GRK5: variants seen among roughly 807,000 people sequenced by gnomAD.
GRK5 encodes the protein g protein-coupled receptor kinase GRK5.
In GRK5, 40 loss-of-function variants were observed where a neutral mutation model predicts 78.4. That is an observed-to-expected ratio of 0.51 (90% CI 0.40 to 0.66). GRK5 has a LOEUF of 0.66. GRK5 is among the 30% of genes least tolerant of loss of function. The pLI is 0.00. For missense variants in GRK5, 598 were observed against 759.9 expected (o/e 0.79, Z 2.50); for synonymous variants, 289 against 296.8 (o/e 0.97, Z 0.27).
In GRK5 at chr10:119,394,290, GTATC is replaced by G. The variant is rs1257926466; in HGVS notation, c.262-2403_262-2400del. 7.5e-4 allele frequency among the ~76,000 whole-genome samples: 28 copies of G among 37,104 alleles called. 4 individuals are homozygous for G. The highest frequency in any genetic ancestry group is 8.5e-4 in the South Asian group (1 of 1,174). 24.3% of individuals were successfully genotyped at this position (37,104 alleles called of 152,430 possible). ...TGTGTGTGGGCGTGTGTGTGGGTGT[GTATC>G]TGTGTGTCTGTGTGGGCACGTGGGT... is the stretch of plus-strand genomic sequence containing the variant. On this transcript the variant is annotated intron_variant, in intron 3 of 15. Coordinates refer to ENST00000392870, the MANE Select transcript of GRK5 (RefSeq NM_005308.3).
chr10:119,326,367 G>T (rs913271616), intron 1 of GRK5, 149 bp from the exon 2 acceptor site: 6 of 655,106 alleles, frequency 9.2e-6, no homozygotes, highest in South Asian at 5.2e-5. Flanking sequence ...GTGTGTGTTT[G>T]TGTGTGTCTT....
intron 3 of GRK5, among the ~76,000 whole-genome samples, chr10:119,390,374 G>A (rs979893765): frequency 2.0e-5 from 3 of 152,142 alleles, no homozygotes; most frequent in Non-Finnish European, 4.4e-5. Context: ...AGCGTGTGCA[G>A]CAGAACTGCC....
chr10:119,264,602 G>A lies in GRK5; in HGVS notation c.52+56633G>A, dbSNP rs755516812. On this transcript the variant is annotated intron_variant, in intron 1 of 15. Coordinates refer to ENST00000392870, the MANE Select transcript of GRK5 (RefSeq NM_005308.3). The surrounding 1 kb of genome is among the most constrained non-coding windows in gnomAD (Gnocchi z 4.1). ...ACATCATCAAGGCATGATTCTCATCGGGGCTTGGGTTTTGTGTACACATCT... is the reference window on the plus strand; with the variant it reads ...ACATCATCAAGGCATGATTCTCATCAGGGCTTGGGTTTTGTGTACACATCT... Among the ~76,000 whole-genome samples, 11 of 152,166 alleles carry A rather than the reference G, an allele frequency of 7.2e-5. No homozygotes were observed. Among genetic ancestry groups the A allele is most frequent in the Admixed American group, 1.3e-4 (2 of 15,282 alleles).
At chr10:119,361,909 C>T (rs76567350) in intron 2 of GRK5, among the ~76,000 whole-genome samples, 9,684 of 142,192 alleles carry the variant, frequency 0.068, 658 homozygotes, top group African/African-American at 0.18. Context: ...TGCAGTGAGC[C>T]GAGGTCGCAC....
intron 1 of GRK5, among the ~76,000 whole-genome samples, chr10:119,237,682 C>T (rs1461336656): frequency 6.6e-6 from 1 of 151,952 alleles, no homozygotes; most frequent in Non-Finnish European, 1.5e-5. Flanking sequence ...CTTCAGGGAG[C>T]CGGAGAGGGG....
chr10:119,307,600 A>G (rs1342592800), intron 1 of GRK5, among the ~76,000 whole-genome samples: 1 of 152,182 alleles, frequency 6.6e-6, no homozygotes, highest in African/African-American at 2.4e-5. Context: ...CAGAAGGCAC[A>G]CTGCCCTGCC....
chr10:119,331,629 T>C (rs1398792287), intron 2 of GRK5, among the ~76,000 whole-genome samples: 1 of 152,154 alleles, frequency 6.6e-6, no homozygotes, highest in Non-Finnish European at 1.5e-5. Flanking sequence ...GGTGGTGCCA[T>C]GAGAAGGCTC....
chr10:119,361,376 A>G (rs1851359818), intron 2 of GRK5, among the ~76,000 whole-genome samples: 1 of 152,154 alleles, frequency 6.6e-6, no homozygotes, highest in Non-Finnish European at 1.5e-5. Flanking sequence ...TGATTCAACC[A>G]TTCTCTTACT....
At chr10:119,274,201 G>A (rs1001879276) in intron 1 of GRK5, among the ~76,000 whole-genome samples, 2 of 152,176 alleles carry the variant, frequency 1.3e-5, no homozygotes, top group Non-Finnish European at 2.9e-5. Flanking sequence ...GGGGACATGG[G>A]TGCTGGCCAG....
intron 4 of GRK5, among the ~76,000 whole-genome samples, chr10:119,403,130 A>T (rs1001043298): frequency 3.3e-5 from 5 of 152,258 alleles, no homozygotes; most frequent in African/African-American, 1.2e-4. Flanking sequence ...GACATTTCAT[A>T]TAAATGGAAT....
At chr10:119,268,008 G>T (rs568149948) in intron 1 of GRK5, among the ~76,000 whole-genome samples, 8 of 152,288 alleles carry the variant, frequency 5.3e-5, no homozygotes, top group Admixed American at 5.2e-4. Flanking sequence ...TTCCCAGTGA[G>T]CATCCTCTCT....
intron 9 of GRK5, among the ~76,000 whole-genome samples, chr10:119,438,433 C>A (rs1475753): frequency 0.23 from 35,671 of 152,062 alleles, 4,548 homozygotes; most frequent in East Asian, 0.5. Context: ...ATCTTGGGAC[C>A]AAGAAGGTTT....
At chr10:119,262,887 C>T (rs532566016) in intron 1 of GRK5, among the ~76,000 whole-genome samples, 1 of 152,302 alleles carries the variant, frequency 6.6e-6, no homozygotes, top group Non-Finnish European at 1.5e-5. Flanking sequence ...ATTACACATG[C>T]ATCTAAAAAT....
At position 119,455,791 on chromosome 10, in the gene GRK5, C is replaced by T. The variant is rs1199257404; in HGVS notation, c.*724C>T. On this transcript the variant is annotated 3_prime_UTR_variant, in exon 16 of 16. Coordinates refer to ENST00000392870, the MANE Select transcript of GRK5 (RefSeq NM_005308.3). ...CCTCTCCTGGGGCCCTCGGAGTCGC[C>T]TAGGCTGAGCCCTTCTCCTCGAGGG... is the stretch of plus-strand genomic sequence containing the variant. 1.8e-5 allele frequency: 3 copies of T among 168,836 alleles called. No homozygotes were observed. In the Admixed American group the frequency reaches 1.9e-4, roughly 11 times the overall value. 10.5% of individuals were successfully genotyped at this position (168,836 alleles called of 1,614,324 possible). A position where few individuals can be genotyped will look rare whatever the true frequency, so the allele number is the denominator to read the frequency against.
chr10:119,257,672 C>T (rs10886434), intron 1 of GRK5, among the ~76,000 whole-genome samples: 99,944 of 152,040 alleles, frequency 0.66, 34,372 homozygotes, highest in East Asian at 0.78. Context: ...TACAATGAGC[C>T]GAGATCATGC....
intron 4 of GRK5, among the ~76,000 whole-genome samples, chr10:119,400,138 G>A (rs759335837): frequency 6.6e-6 from 1 of 152,228 alleles, no homozygotes; most frequent in African/African-American, 2.4e-5. Flanking sequence ...TTCCATTGTT[G>A]TGATTCTGTG....
intron 1 of GRK5, among the ~76,000 whole-genome samples, chr10:119,249,315 C>G (rs1330191716): frequency 1.3e-5 from 2 of 151,970 alleles, no homozygotes; most frequent in African/African-American, 2.4e-5. Context: ...CTAATAATAC[C>G]TACCTTGTAG....
Position 119,439,714 on chromosome 10 carries a change from G to C in GRK5, c.930-17G>C, listed in dbSNP as rs764067117. On this transcript the variant is annotated splice_polypyrimidine_tract_variant and intron_variant, in intron 9 of 15. Coordinates refer to ENST00000392870, the MANE Select transcript of GRK5 (RefSeq NM_005308.3). ...CCAGAATGCCCACACTCTGATGCTT[G>C]TTGTTTTTCCTTTCAGAGATCTGAA... The C allele has an allele frequency of 5.0e-6, 8 of 1,613,818 alleles. No individual in the cohort carries two copies. The South Asian group carries it at 5.5e-5, about 11-fold the overall frequency.
Position 119,209,514 on chromosome 10 carries a change from T to TTTTC in GRK5, c.52+1545_52+1546insTTTC, listed in dbSNP as rs1491490932. 4.7e-4 allele frequency among the ~76,000 whole-genome samples: 53 copies of TTTTC among 112,182 alleles called. 1 individual carries two copies. Among genetic ancestry groups the TTTTC allele is most frequent in the African/African-American group, 1.7e-3 (47 of 27,142 alleles). 73.6% of individuals were successfully genotyped at this position (112,182 alleles called of 152,430 possible). On this transcript the variant is annotated intron_variant, in intron 1 of 15. Transcript: ENST00000392870. ...TTTTTTTTTTTTTTTTTTTTTTTTT[T>TTTTC]CCTAACCTGACATTTTTAGTGGACA...
Sources: gnomAD v4.1 joint callset for allele counts (sites outside exome capture counted in the v4.1 genomes callset) on GRCh38, gnomAD v4.1.1 for gene constraint, Gnocchi (gnomAD v3.1) non-coding constraint, MANE v1.5 for transcripts, NCBI Gene and HGNC (gene_info 2026-07-23, HGNC 2026-07-21) for gene names.